Variants in COL13A1 observed in about 807,000 individuals in gnomAD.
COL13A1 encodes the protein collagen alpha-1(XIII) chain.
Under a neutral mutation model 130.9 loss-of-function variants are expected in COL13A1, and 89 were observed. The ratio of observed to expected loss-of-function variants is 0.68; its 90% CI spans 0.57 to 0.81. The LOEUF (loss-of-function observed/expected upper bound fraction) is 0.81, where lower values mean the gene tolerates loss of function less well. COL13A1 is among the 30% of genes least tolerant of loss of function. COL13A1 has a pLI of 0.00. For missense variants in COL13A1, 879 were observed against 934.6 expected, an observed-to-expected ratio of 0.94 and a Z score of 0.78; for synonymous variants, 402 against 341.6, an observed-to-expected ratio of 1.18 and a Z score of -1.95.
chr10:69,846,210 C>T (rs531346718), intron 2 of COL13A1, among the ~76,000 whole-genome samples: 3 of 152,360 alleles, frequency 2.0e-5, no homozygotes, highest in East Asian at 3.9e-4. Context: ...GCCCAGCCCT[C>T]GGTAACAAGG....
At chr10:69,900,969 TC>T (rs2062125709) in intron 14 of COL13A1, among the ~76,000 whole-genome samples, 1 of 152,006 alleles carries the variant, frequency 6.6e-6, no homozygotes, top group Admixed American at 6.5e-5. Flanking sequence ...AGACTAAGCC[TC>T]CCCCATCTTG....
At chr10:69,862,996 A>T (rs1022374683) in intron 2 of COL13A1, among the ~76,000 whole-genome samples, 4 of 152,342 alleles carry the variant, frequency 2.6e-5, no homozygotes, top group Non-Finnish European at 4.4e-5. Flanking sequence ...TGGGATCCCA[A>T]GAGTTGGCAA....
intron 5 of COL13A1, among the ~76,000 whole-genome samples, chr10:69,875,914 C>G (rs2059525729): frequency 6.6e-6 from 1 of 152,380 alleles, no homozygotes; most frequent in South Asian, 2.1e-4. Flanking sequence ...TCCCATCAAC[C>G]TCTGCCTCAC....
At chr10:69,900,693 T>A (rs774750384) in intron 14 of COL13A1, among the ~76,000 whole-genome samples, 1 of 152,340 alleles carries the variant, frequency 6.6e-6, no homozygotes, top group South Asian at 2.1e-4. Context: ...TGAAATATGA[T>A]GTGCTTAGCA....
intron 17 of COL13A1, among the ~76,000 whole-genome samples, chr10:69,906,266 T>C (rs963636335): frequency 5.3e-5 from 8 of 152,232 alleles, no homozygotes; most frequent in African/African-American, 1.9e-4. Flanking sequence ...CAGTTATCTA[T>C]TGCGGTGTAA....
At chr10:69,819,520 G>A (rs1845482891) in intron 1 of COL13A1, among the ~76,000 whole-genome samples, 1 of 152,200 alleles carries the variant, frequency 6.6e-6, no homozygotes, top group Non-Finnish European at 1.5e-5. Context: ...TGGCCCTAGA[G>A]TCAGTCCAAT....
At position 69,894,845 on chromosome 10, in the gene COL13A1, C is replaced by T. The variant is rs183483603; in HGVS notation, c.657+144C>T. On this transcript the variant is annotated intron_variant, in intron 12 of 40. Coordinates refer to ENST00000645393, the MANE Select transcript of COL13A1 (RefSeq NM_001368882.1). ...CCCCCGAGGTGCCGCATAATAGATT[C>T]GGTTGACACCGCTCCAGGGGACATC... 1.4e-4 allele frequency: 150 copies of T among 1,070,940 alleles called. 1 individual carries two copies. In the African/African-American group the frequency reaches 2.1e-3, roughly 15 times the overall value. The allele number at this position is 1,070,940 out of a possible 1,614,324, so 66.3% of individuals were successfully genotyped here. A position where few individuals can be genotyped will look rare whatever the true frequency, so the allele number is the denominator to read the frequency against.
At chr10:69,849,376 CT>C (rs1047392640) in intron 2 of COL13A1, among the ~76,000 whole-genome samples, 54 of 152,350 alleles carry the variant, frequency 3.5e-4, no homozygotes, top group Admixed American at 1.8e-3. Flanking sequence ...GCAGTGCCCC[CT>C]GATCACTTCC....
At chr10:69,944,209 G>A (rs1168413307) in intron 36 of COL13A1, 31 bp downstream of exon 36, 2 of 1,604,826 alleles carry the variant, frequency 1.2e-6, no homozygotes, top group East Asian at 4.5e-5. Context: ...GGCCTGGGCG[G>A]CCAGGAGGGA....
chr10:69,817,428 G>A (rs1328379235), intron 1 of COL13A1, among the ~76,000 whole-genome samples: 1 of 151,600 alleles, frequency 6.6e-6, no homozygotes, highest in Non-Finnish European at 1.5e-5. Context: ...GTTGGGGGAG[G>A]GGACGTTGGT....
At chr10:69,807,178 G>A (rs938278134) in intron 1 of COL13A1, among the ~76,000 whole-genome samples, 1 of 152,156 alleles carries the variant, frequency 6.6e-6, no homozygotes, top group African/African-American at 2.4e-5. Flanking sequence ...GTTATAGGGT[G>A]CATACAGGGG....
chr10:69,837,399 G>A (rs1168258430), intron 2 of COL13A1, among the ~76,000 whole-genome samples: 2 of 152,276 alleles, frequency 1.3e-5, no homozygotes, highest in East Asian at 1.9e-4. Context: ...GACTCCTGAC[G>A]CCTTCTGAGG....
At chr10:69,922,866 A>T (rs1440560906) in intron 23 of COL13A1, 72 bp downstream of exon 23, 1 of 1,041,988 alleles carries the variant, frequency 9.6e-7, no homozygotes, top group African/African-American at 1.7e-5. Context: ...GTTCTCGGGG[A>T]CTCTACGTCC....
chr10:69,816,013 C>A (rs933505564), intron 1 of COL13A1, among the ~76,000 whole-genome samples: 1 of 151,788 alleles, frequency 6.6e-6, no homozygotes, highest in Admixed American at 6.6e-5. Context: ...GGGAAGAGAA[C>A]ACCCAGGCAG....
At chr10:69,948,062 G>A (rs955867405) in intron 38 of COL13A1, among the ~76,000 whole-genome samples, 1 of 152,234 alleles carries the variant, frequency 6.6e-6, no homozygotes, top group Admixed American at 6.5e-5. Flanking sequence ...CTCATCTGCT[G>A]CTGCATCATG....
At chr10:69,843,792 T>C (rs1013308127) in intron 2 of COL13A1, among the ~76,000 whole-genome samples, 3 of 152,214 alleles carry the variant, frequency 2.0e-5, no homozygotes, top group African/African-American at 7.2e-5. Flanking sequence ...TGCTTCTGTG[T>C]ACATTTTCAG....
At chr10:69,917,388 C>T (rs1056622458) in intron 18 of COL13A1, 55 bp downstream of exon 18, 111 of 1,497,962 alleles carry the variant, frequency 7.4e-5, no homozygotes, top group Non-Finnish European at 4.6e-5. Context: ...CCCCAGTGCC[C>T]ATCCCTCTCT....
chr10:69,908,039 T>C (rs1253092685), intron 17 of COL13A1, among the ~76,000 whole-genome samples: 2 of 152,150 alleles, frequency 1.3e-5, no homozygotes, highest in Non-Finnish European at 2.9e-5. Context: ...GGAGTTCAGT[T>C]CCAGGTCTGG....
chr10:69,917,416 C>A, intron 18 of COL13A1, 83 bp downstream of exon 18: 2 of 1,244,590 alleles, frequency 1.6e-6, no homozygotes, highest in Non-Finnish European at 1.1e-6. Context: ...TCTGGGGACA[C>A]TCTGGAGTCC....
Sources: gnomAD v4.1 joint callset for allele counts (sites outside exome capture counted in the v4.1 genomes callset) on GRCh38, gnomAD v4.1.1 for gene constraint, MANE v1.5 for transcripts, NCBI Gene and HGNC (gene_info 2026-07-23, HGNC 2026-07-21) for gene names.